PDE4B: variants seen among roughly 807,000 people sequenced by gnomAD.
The protein encoded by PDE4B is phosphodiesterase 4B, also known as 3',5'-cyclic-AMP phosphodiesterase 4B.
PDE4B carries 20 observed loss-of-function variants against 82.2 expected under a neutral mutation model. That is an observed-to-expected ratio of 0.24 (90% confidence interval 0.17 to 0.35). The LOEUF is 0.35. Among genes scored for constraint, PDE4B ranks in the 10% least tolerant of loss-of-function variants. The pLI is 1.00. For synonymous variants in PDE4B, 320 were observed against 318.9 expected (o/e 1.00, Z -0.04); for missense variants, 655 against 907.2 (o/e 0.72, Z 3.57).
rs541333513 is a variant in PDE4B, at chr1:66,013,135, G to C, written c.281+94300G>C. 8.5e-5 allele frequency among the ~76,000 whole-genome samples: 13 copies of C among 152,178 alleles called. No individual in the cohort carries two copies. In the East Asian group the frequency reaches 2.5e-3, roughly 29 times the overall value. On this transcript the variant is annotated intron_variant, in intron 3 of 16. Coordinates refer to ENST00000341517, the MANE Select transcript of PDE4B (RefSeq NM_002600.4). ...TCAAAGATCTATTATTATCTTCCCA[G>C]AATTGAATTGCACACTTTGTGTAAC...
At chr1:66,364,911 G>A (rs1252728431) in intron 12 of PDE4B, among the ~76,000 whole-genome samples, 1 of 152,180 alleles carries the variant, frequency 6.6e-6, no homozygotes, top group East Asian at 1.9e-4. Flanking sequence ...CCCACCTCAA[G>A]CTGGCATTTG....
At chr1:66,179,255 C>A (rs1468879775) in intron 3 of PDE4B, among the ~76,000 whole-genome samples, 1 of 152,126 alleles carries the variant, frequency 6.6e-6, no homozygotes, top group Non-Finnish European at 1.5e-5. Flanking sequence ...TCTCAAAGCA[C>A]CATCATATAG....
chr1:66,255,011 TTTTTCTTTTCTTTTCTC>T (rs897470036), intron 4 of PDE4B, among the ~76,000 whole-genome samples: 4 of 150,368 alleles, frequency 2.7e-5, no homozygotes, highest in South Asian at 2.1e-4. Context: ...CTCCTCTCTC[TTTTTCTTTTCTTTTCTC>T]TTTTCTTTTC....
chr1:66,236,331 G>C (rs1003049923), intron 3 of PDE4B, among the ~76,000 whole-genome samples: 4 of 151,924 alleles, frequency 2.6e-5, no homozygotes, highest in African/African-American at 9.7e-5. Flanking sequence ...TTGTACTCTT[G>C]TCATATAGTT....
intron 3 of PDE4B, among the ~76,000 whole-genome samples, chr1:66,152,006 T>C (rs1339278879): frequency 1.3e-5 from 2 of 152,198 alleles, no homozygotes; most frequent in Non-Finnish European, 2.9e-5. Context: ...CAGTAGCACA[T>C]TTTGAACTCT....
intron 1 of PDE4B, among the ~76,000 whole-genome samples, chr1:65,823,369 C>T (rs535858955): frequency 6.8e-6 from 1 of 146,216 alleles, no homozygotes; most frequent in Non-Finnish European, 1.5e-5. Context: ...GTACTACAGC[C>T]TGGCCGACAG....
intron 3 of PDE4B, among the ~76,000 whole-genome samples, chr1:66,073,193 C>G (rs1208180264): frequency 6.6e-6 from 1 of 152,110 alleles, no homozygotes; most frequent in Non-Finnish European, 1.5e-5. Flanking sequence ...ACAGATTGAA[C>G]CCTTCCATGG....
chr1:66,292,921 C>G (rs1025097210), intron 7 of PDE4B, among the ~76,000 whole-genome samples: 6 of 152,062 alleles, frequency 3.9e-5, no homozygotes, highest in African/African-American at 4.8e-5. Context: ...GACTTTAGTA[C>G]GAATGTTTGC....
intron 3 of PDE4B, among the ~76,000 whole-genome samples, chr1:65,986,801 TA>T (rs1650976777): frequency 6.6e-6 from 1 of 152,088 alleles, no homozygotes; most frequent in African/African-American, 2.4e-5. Context: ...AACAAGTAAT[TA>T]ATATTATACG....
intron 3 of PDE4B, among the ~76,000 whole-genome samples, chr1:66,237,290 C>T (rs561109331): frequency 5.3e-5 from 8 of 152,196 alleles, no homozygotes; most frequent in East Asian, 3.9e-4. Flanking sequence ...CTATGTAGAC[C>T]GGAGGCTGAG....
intron 3 of PDE4B, among the ~76,000 whole-genome samples, chr1:66,081,828 CTCTCTG>C (rs1426811927): frequency 6.6e-4 from 75 of 113,162 alleles, no homozygotes; most frequent in South Asian, 6.3e-3. Flanking sequence ...CTCTCTCTCT[CTCTCTG>C]TGTGTGTGTG....
At chr1:65,819,271 C>G (rs2101233141) in intron 1 of PDE4B, among the ~76,000 whole-genome samples, 1 of 151,976 alleles carries the variant, frequency 6.6e-6, no homozygotes, top group African/African-American at 2.4e-5. Context: ...CATAGATAAC[C>G]CAACTGTTTT....
intron 3 of PDE4B, among the ~76,000 whole-genome samples, chr1:66,068,131 C>T (rs1261653032): frequency 2.0e-5 from 3 of 149,742 alleles, no homozygotes; most frequent in East Asian, 2.0e-4. Flanking sequence ...AGCAACTAAA[C>T]GTCAGTGCCT....
intron 3 of PDE4B, among the ~76,000 whole-genome samples, chr1:66,146,063 A>G (rs1225244214): frequency 2.0e-5 from 3 of 152,020 alleles, no homozygotes; most frequent in Non-Finnish European, 1.5e-5. Flanking sequence ...GTAACCTTTA[A>G]CATCTGCTGT....
intron 4 of PDE4B, chr1:66,257,431 G>A: frequency 1.3e-6 from 1 of 749,110 alleles, no homozygotes; most frequent in Middle Eastern, 2.4e-4. Flanking sequence ...TGTAGTCACT[G>A]TAAATTCAGG....
chr1:66,257,036 G>C (rs1435491741), intron 4 of PDE4B, among the ~76,000 whole-genome samples: 11 of 152,134 alleles, frequency 7.2e-5, no homozygotes. Context: ...AGCTTAATCT[G>C]TTCTTTGGGA....
chr1:66,140,856 C>T (rs1646156759), intron 3 of PDE4B, among the ~76,000 whole-genome samples: 1 of 152,170 alleles, frequency 6.6e-6, no homozygotes, highest in African/African-American at 2.4e-5. Context: ...TTTTTGCTCT[C>T]TTGAAAATTA....
intron 3 of PDE4B, among the ~76,000 whole-genome samples, chr1:66,144,681 A>T (rs590426): frequency 0.28 from 42,121 of 152,066 alleles, 6,886 homozygotes; most frequent in Middle Eastern, 0.43. Flanking sequence ...CAAAAATCTG[A>T]GCTCCAAAAG....
rs137925858 is a variant in PDE4B at position 65,906,179 on chromosome 1, G to A, written c.-70-7066G>A. ...GATCTAAATTTGAGCATGAGCAGAT[G>A]CCCAGCAAATATTAAATGAATTGAA... On this transcript the variant is annotated intron_variant, in intron 1 of 16. Coordinates refer to ENST00000341517, the MANE Select transcript of PDE4B (RefSeq NM_002600.4). Among the ~76,000 whole-genome samples, 30 of 152,198 alleles carry A rather than the reference G, an allele frequency of 2.0e-4. No homozygotes were observed. In the East Asian group the frequency reaches 5.6e-3, roughly 28 times the overall value.
Sources: allele counts gnomAD v4.1 joint callset (sites outside exome capture counted in the v4.1 genomes callset), GRCh38; gene constraint gnomAD v4.1.1; transcripts MANE v1.5; gene names NCBI Gene and HGNC (gene_info 2026-07-23, HGNC 2026-07-21).